MSH3: variants seen among roughly 807,000 people sequenced by gnomAD.
The protein encoded by MSH3 is DNA mismatch repair protein Msh3.
A neutral mutation model predicts 123.3 loss-of-function variants in MSH3; 106 were observed. The ratio of observed to expected loss-of-function variants is 0.86; its 90% CI spans 0.73 to 1.01. The LOEUF is 1.01. MSH3 is among the 50% of genes least tolerant of loss of function. The pLI is 0.00. For missense variants in MSH3, 1,459 were observed against 1,347.6 expected (o/e 1.08, Z -1.29); for synonymous variants, 515 against 481.4 (o/e 1.07, Z -0.91).
intron 21 of MSH3, among the ~76,000 whole-genome samples, chr5:80,861,268 C>G (rs1746009582): frequency 6.6e-6 from 1 of 152,124 alleles, no homozygotes; most frequent in Non-Finnish European, 1.5e-5. Context: ...AAAGGAACTG[C>G]TGTAAGTTAG....
intron 8 of MSH3, among the ~76,000 whole-genome samples, chr5:80,703,354 C>T (rs550300193): frequency 2.6e-4 from 40 of 152,172 alleles, no homozygotes; most frequent in Non-Finnish European, 4.6e-4. Context: ...CTATCAACCT[C>T]CAGATATCAC....
At chr5:80,824,977 G>T (rs778734053) in intron 20 of MSH3, among the ~76,000 whole-genome samples, 3 of 152,002 alleles carry the variant, frequency 2.0e-5, no homozygotes, top group Non-Finnish European at 4.4e-5. Flanking sequence ...TCTTCCTGTT[G>T]TTACCACTGG....
chr5:80,801,993 A>G (rs1744797618), intron 19 of MSH3, among the ~76,000 whole-genome samples: 1 of 152,212 alleles, frequency 6.6e-6, no homozygotes. Context: ...AAATTTTTGT[A>G]TAATACTTGA....
chr5:80,729,522 ATATAT>A (rs1473012200), intron 10 of MSH3, among the ~76,000 whole-genome samples: 11 of 150,290 alleles, frequency 7.3e-5, no homozygotes, highest in African/African-American at 9.8e-5. Context: ...TAGCTATTTG[ATATAT>A]TATAGTTTTG....
rs1745045881 is a variant in MSH3, at chr5:80,813,581, C to T, written c.2656-3C>T. On this transcript the variant is annotated splice_region_variant and splice_polypyrimidine_tract_variant and intron_variant, in intron 19 of 23. Transcript: ENST00000265081. Reference sequence around the variant, plus strand: ...ATAAGTGAAATTCCTTTCTAATTTTCAGGAGGACTCAGAGAGAGTAATGAT... The same window carrying T: ...ATAAGTGAAATTCCTTTCTAATTTTTAGGAGGACTCAGAGAGAGTAATGAT... 4 of 1,613,994 alleles carry T rather than the reference C, an allele frequency of 2.5e-6. No individual in the cohort carries two copies. The highest frequency in any genetic ancestry group is 3.4e-6 in the Non-Finnish European group (4 of 1,179,944).
intron 19 of MSH3, among the ~76,000 whole-genome samples, chr5:80,801,345 T>C (rs991257721): frequency 3.3e-5 from 5 of 152,174 alleles, no homozygotes; most frequent in African/African-American, 1.2e-4. Context: ...TTTATTTACC[T>C]AGAGGACCTC....
At chr5:80,831,841 G>C (rs1023885433) in intron 20 of MSH3, among the ~76,000 whole-genome samples, 11 of 152,150 alleles carry the variant, frequency 7.2e-5, no homozygotes, top group African/African-American at 2.4e-4. Context: ...GGGCGTGGTG[G>C]CTGACTCCTG....
At chr5:80,871,329 A>G (rs1409038997) in intron 22 of MSH3, among the ~76,000 whole-genome samples, 2 of 152,170 alleles carry the variant, frequency 1.3e-5, no homozygotes, top group African/African-American at 4.8e-5. Context: ...CCCAAAACAT[A>G]GCGGCTTAGA....
At chr5:80,824,340 G>A (rs986825702) in intron 20 of MSH3, among the ~76,000 whole-genome samples, 15 of 150,186 alleles carry the variant, frequency 1.0e-4, no homozygotes, top group African/African-American at 1.2e-4. Flanking sequence ...CCTCCCTCCC[G>A]GACGGGGCGG....
chr5:80,698,957 A>G (rs1279766381), intron 8 of MSH3, among the ~76,000 whole-genome samples: 2 of 152,072 alleles, frequency 1.3e-5, no homozygotes, highest in Non-Finnish European at 2.9e-5. Context: ...TAATAAAAAT[A>G]TACAAATAAA....
intron 20 of MSH3, among the ~76,000 whole-genome samples, chr5:80,838,199 C>G (rs944018046): frequency 6.6e-6 from 1 of 152,178 alleles, no homozygotes; most frequent in African/African-American, 2.4e-5. Context: ...GGGGTGAACA[C>G]CAGAAAGTGG....
Position 80,654,662 on chromosome 5 carries a change from G to A in MSH3, c.-66G>A, listed in dbSNP as rs569869247. 6.5e-4 allele frequency: 961 copies of A among 1,485,364 alleles called. No individual in the cohort carries two copies. The highest frequency in any genetic ancestry group is 1.6e-3 in the Admixed American group (82 of 51,730). 92.0% of individuals were successfully genotyped at this position (1,485,364 alleles called of 1,614,324 possible). The stretch of plus-strand genomic sequence containing the variant: ...CGTGCTCGCGCCCGCAGACGCCTGG[G>A]AACTGCGGCCGCGGGCTCGCGCTCC... On this transcript the variant is annotated 5_prime_UTR_variant, in exon 1 of 24. Coordinates refer to ENST00000265081, the MANE Select transcript of MSH3 (RefSeq NM_002439.5).
At chr5:80,677,190 C>T (rs1580555409) in intron 7 of MSH3, among the ~76,000 whole-genome samples, 1 of 152,308 alleles carries the variant, frequency 6.6e-6, no homozygotes, top group African/African-American at 2.4e-5. Flanking sequence ...CACTCATTGC[C>T]TGGTCAGTAC....
At position 80,842,011 on chromosome 5, in the gene MSH3, T is replaced by C. The variant is rs536082286; in HGVS notation, c.2814-12119T>C. Among the ~76,000 whole-genome samples the C allele has an allele frequency of 2.0e-5, 3 of 152,272 alleles. No individual in the cohort carries two copies. The East Asian group carries it at 5.8e-4, about 29-fold the overall frequency. ...TATGTCCTGAATGGTATTGCCTAGGTTTTCTTCTAGGGTTTTTATGGTTTT... is the reference window on the plus strand; with the variant it reads ...TATGTCCTGAATGGTATTGCCTAGGCTTTCTTCTAGGGTTTTTATGGTTTT... On this transcript the variant is annotated intron_variant, in intron 20 of 23. Coordinates refer to ENST00000265081, the MANE Select transcript of MSH3 (RefSeq NM_002439.5).
In MSH3 at chr5:80,865,106, A is replaced by C. The variant is rs1200030904; in HGVS notation, c.3130+164A>C. 2.0e-5 allele frequency among the ~76,000 whole-genome samples: 3 copies of C among 152,220 alleles called. No individual in the cohort carries two copies. The East Asian group carries it at 5.8e-4, about 29-fold the overall frequency. On this transcript the variant is annotated intron_variant, in intron 22 of 23. Coordinates refer to ENST00000265081, the MANE Select transcript of MSH3 (RefSeq NM_002439.5). ...TTTTGCTAAGCTTTAGGTCAAGTAGAATTTAGATTTATCCTTGCTATCTCT... is the reference window on the plus strand; with the variant it reads ...TTTTGCTAAGCTTTAGGTCAAGTAGCATTTAGATTTATCCTTGCTATCTCT...
intron 8 of MSH3, among the ~76,000 whole-genome samples, chr5:80,715,861 C>T (rs1195009831): frequency 6.6e-6 from 1 of 152,152 alleles, no homozygotes; most frequent in African/African-American, 2.4e-5. Flanking sequence ...CCACCAGGTC[C>T]CTGCTCCAGC....
intron 10 of MSH3, among the ~76,000 whole-genome samples, chr5:80,736,008 C>T (rs1743498726): frequency 6.6e-6 from 1 of 152,052 alleles, no homozygotes; most frequent in African/African-American, 2.4e-5. Flanking sequence ...GGCAGATCAC[C>T]TGAGGTCAGG....
At chr5:80,753,135 A>G (rs1743865654) in intron 12 of MSH3, among the ~76,000 whole-genome samples, 1 of 152,184 alleles carries the variant, frequency 6.6e-6, no homozygotes, top group African/African-American at 2.4e-5. Flanking sequence ...CTTCACTACC[A>G]TCATAATCAG....
intron 15 of MSH3, among the ~76,000 whole-genome samples, chr5:80,772,958 C>G (rs1452304604): frequency 3.3e-5 from 5 of 152,144 alleles, no homozygotes; most frequent in South Asian, 2.1e-4. Context: ...TGTTTTCCCC[C>G]CTGCAGTGGC....
Sources: gnomAD v4.1 joint callset for allele counts (sites outside exome capture counted in the v4.1 genomes callset) on GRCh38, gnomAD v4.1.1 for gene constraint, MANE v1.5 for transcripts, NCBI Gene and HGNC (gene_info 2026-07-23, HGNC 2026-07-21) for gene names.